The following MARCHF7 variants were observed in gnomAD, a reference collection of about 807,000 sequenced individuals.
MARCHF7 encodes membrane associated ring-CH-type finger 7, also known as E3 ubiquitin-protein ligase MARCHF7.
MARCHF7 carries 20 observed loss-of-function variants against 76.5 expected under a neutral mutation model. The observed-to-expected ratio is 0.26, with a 90% CI of 0.18 to 0.38. MARCHF7 has a LOEUF of 0.38. Ranked by LOEUF, MARCHF7 falls within the 10% of genes least tolerant of loss-of-function variation. The pLI, the probability that MARCHF7 is intolerant of heterozygous loss-of-function variation, is 1.00. For missense variants in MARCHF7, 797 were observed against 812.9 expected, an observed-to-expected ratio of 0.98 and a Z score of 0.24; for synonymous variants, 295 against 293.0, an observed-to-expected ratio of 1.01 and a Z score of -0.07.
At chr2:159,759,136 T>C (rs1264545029) in intron 8 of MARCHF7, 90 bp from the exon 9 acceptor site, 1 of 723,848 alleles carries the variant, frequency 1.4e-6, no homozygotes. Context: ...TTTAAGGTTT[T>C]ATTTATTTTA....
At chr2:159,731,615 G>A (rs761783473) in intron 4 of MARCHF7, among the ~76,000 whole-genome samples, 11 of 151,874 alleles carry the variant, frequency 7.2e-5, no homozygotes, top group Non-Finnish European at 1.3e-4. Context: ...TTAGCTGGGC[G>A]TGGTGGCGCA....
intron 4 of MARCHF7, chr2:159,733,400 A>G (rs899166863): frequency 1.5e-5 from 8 of 517,474 alleles, no homozygotes; most frequent in Non-Finnish European, 2.0e-5. Flanking sequence ...ACCACACTGC[A>G]CTGCTTTTTA....
chr2:159,739,562 C>T (rs1426864685), intron 4 of MARCHF7, among the ~76,000 whole-genome samples: 1 of 152,084 alleles, frequency 6.6e-6, no homozygotes, highest in East Asian at 1.9e-4. Context: ...AGACTTATTC[C>T]CTGATTTCAT....
intron 4 of MARCHF7, chr2:159,733,258 G>T (rs1703034889): frequency 1.2e-6 from 1 of 866,280 alleles, no homozygotes; most frequent in Non-Finnish European, 1.4e-6. Context: ...TTTAGTTTTT[G>T]AGACGGGTTC....
intron 4 of MARCHF7, among the ~76,000 whole-genome samples, chr2:159,729,534 A>G (rs951551523): frequency 5.3e-5 from 8 of 152,114 alleles, no homozygotes; most frequent in East Asian, 1.9e-4. Context: ...TTAGCTGGAC[A>G]TGGTGGCACA....
chr2:159,742,428 C>T (rs1335123233), intron 4 of MARCHF7, among the ~76,000 whole-genome samples: 2 of 151,614 alleles, frequency 1.3e-5, no homozygotes, highest in East Asian at 3.9e-4. Flanking sequence ...GACAGGGTTC[C>T]TGAAAAGACT....
At chr2:159,758,195 A>G (rs1324111053) in intron 8 of MARCHF7, among the ~76,000 whole-genome samples, 2 of 152,166 alleles carry the variant, frequency 1.3e-5, no homozygotes, top group African/African-American at 4.8e-5. Flanking sequence ...AAATATAAAC[A>G]AACAAAGGAA....
rs760376485 is a variant in MARCHF7 at position 159,732,105 on chromosome 2, AAAAAAAC to A, written c.153+2951_153+2957del. Among the ~76,000 whole-genome samples, 604 of 152,266 alleles carry A rather than the reference AAAAAAAC, an allele frequency of 4.0e-3. 3 individuals carry two copies. The highest frequency in any genetic ancestry group is 0.024 in the Middle Eastern group (7 of 294). On this transcript the variant is annotated intron_variant, in intron 4 of 11. Coordinates refer to ENST00000409175, the MANE Select transcript of MARCHF7 (RefSeq NM_001282805.2). ...GGCGACAGAGCGAGACTCTGTCTCAAAAAAAACAAAAAACAAAAAACAAAAAAAAATT... is the reference window on the plus strand; with the variant it reads ...GGCGACAGAGCGAGACTCTGTCTCAAAAAAAACAAAAAACAAAAAAAAATT...
At chr2:159,728,407 A>G (rs947535534) in intron 3 of MARCHF7, among the ~76,000 whole-genome samples, 1 of 152,258 alleles carries the variant, frequency 6.6e-6, no homozygotes, top group South Asian at 2.1e-4. Flanking sequence ...CAGTGATTTT[A>G]AAATACTTTA....
chr2:159,749,346 T>G (rs1705319904), intron 7 of MARCHF7, among the ~76,000 whole-genome samples: 1 of 151,648 alleles, frequency 6.6e-6, no homozygotes, highest in Non-Finnish European at 1.5e-5. Flanking sequence ...GTTTTTGTTT[T>G]TTTTTGTTGT....
At chr2:159,742,970 G>T in intron 4 of MARCHF7, 91 bp from the exon 5 acceptor site, 2 of 1,121,642 alleles carry the variant, frequency 1.8e-6, no homozygotes, top group Non-Finnish European at 2.6e-6. Flanking sequence ...TAGAAAAATT[G>T]ATGCTTGTGG....
intron 7 of MARCHF7, among the ~76,000 whole-genome samples, chr2:159,750,159 G>A (rs1705451112): frequency 6.6e-6 from 1 of 152,166 alleles, no homozygotes; most frequent in South Asian, 2.1e-4. Context: ...TCATGCTTCA[G>A]CCTCCAAAAG....
chr2:159,718,618 T>G (rs1207392317), intron 3 of MARCHF7, among the ~76,000 whole-genome samples: 1 of 152,072 alleles, frequency 6.6e-6, no homozygotes, highest in Non-Finnish European at 1.5e-5. Context: ...CTTTTAGGAG[T>G]TCACAGCTTT....
At position 159,739,352 on chromosome 2, in the gene MARCHF7, A is replaced by G. The variant is rs117614144; in HGVS notation, c.154-3709A>G. Among the ~76,000 whole-genome samples the G allele has an allele frequency of 9.8e-5, 15 of 152,326 alleles. No homozygotes were observed. In the East Asian group the frequency reaches 2.3e-3, roughly 24 times the overall value. ...CCATCACAGCTGTTAGCATCAACCT[A>G]TAGTTGGAAAAATAGTAATTCCCCC... On this transcript the variant is annotated intron_variant, in intron 4 of 11. Coordinates refer to ENST00000409175, the MANE Select transcript of MARCHF7 (RefSeq NM_001282805.2).
chr2:159,746,789 C>T (rs1350648313), intron 6 of MARCHF7, among the ~76,000 whole-genome samples: 1 of 152,120 alleles, frequency 6.6e-6, no homozygotes, highest in Admixed American at 6.5e-5. Context: ...ATATAGTAGG[C>T]AGAAATGGAG....
intron 1 of MARCHF7, among the ~76,000 whole-genome samples, chr2:159,713,036 C>G (rs1700431196): frequency 6.6e-6 from 1 of 152,196 alleles, no homozygotes; most frequent in Non-Finnish European, 1.5e-5. Flanking sequence ...GTGAGCTCGC[C>G]GGTGAGCGCG....
chr2:159,745,696 C>T lies in MARCHF7; in HGVS notation c.347-74C>T, dbSNP rs944464473. On this transcript the variant is annotated intron_variant, in intron 5 of 11. Transcript: ENST00000409175. ...TAATAAATAACACTAACTTTCCTCT[C>T]TATTACTGAAGATTGTCATCATCCA... 24 of 976,236 alleles carry T rather than the reference C, an allele frequency of 2.5e-5. 1 individual carries two copies. The highest frequency in any genetic ancestry group is 3.1e-4 in the Middle Eastern group (1 of 3,214). 60.5% of individuals were successfully genotyped at this position (976,236 alleles called of 1,614,324 possible). A position where few individuals can be genotyped will look rare whatever the true frequency, so the allele number is the denominator to read the frequency against.
intron 4 of MARCHF7, chr2:159,733,528 G>C: frequency 1.0e-6 from 1 of 980,962 alleles, no homozygotes; most frequent in Non-Finnish European, 1.2e-6. Flanking sequence ...ATGAGCTACT[G>C]CACCTGGCCA....
At chr2:159,744,935 G>T (rs1026294811) in intron 5 of MARCHF7, among the ~76,000 whole-genome samples, 23 of 152,178 alleles carry the variant, frequency 1.5e-4, no homozygotes, top group African/African-American at 5.1e-4. Context: ...ATAAAATTAC[G>T]ATAACTGTAA....
Sources: allele counts gnomAD v4.1 joint callset (sites outside exome capture counted in the v4.1 genomes callset), GRCh38; gene constraint gnomAD v4.1.1; transcripts MANE v1.5; gene names NCBI Gene and HGNC (gene_info 2026-07-23, HGNC 2026-07-21).